Variants in CEP120 observed in about 807,000 individuals in gnomAD.
CEP120 encodes the protein centrosomal protein 120.
CEP120 carries 113 observed loss-of-function variants against 126.5 expected under a neutral mutation model. The ratio of observed to expected loss-of-function variants is 0.89; its 90% CI spans 0.77 to 1.04. The LOEUF (loss-of-function observed/expected upper bound fraction) is 1.04, where lower values mean the gene tolerates loss of function less well. Ranked by LOEUF, CEP120 falls within the 50% of genes least tolerant of loss-of-function variation. The pLI is 0.00. For missense variants in CEP120, 1,230 were observed against 1,155.7 expected, an observed-to-expected ratio of 1.06 and a Z score of -0.93; for synonymous variants, 400 against 394.3, an observed-to-expected ratio of 1.01 and a Z score of -0.17.
At chr5:123,384,135 T>C (rs1014792994) in intron 11 of CEP120, among the ~76,000 whole-genome samples, 1 of 152,100 alleles carries the variant, frequency 6.6e-6, no homozygotes, top group Non-Finnish European at 1.5e-5. Flanking sequence ...TAGCTTCAAT[T>C]ATTAGTGATT....
chr5:123,395,509 T>A (rs1484153145), intron 5 of CEP120, among the ~76,000 whole-genome samples: 1 of 152,022 alleles, frequency 6.6e-6, no homozygotes, highest in Non-Finnish European at 1.5e-5. Flanking sequence ...CCATCCATAC[T>A]CTCCTGCCCC....
At chr5:123,394,935 G>A (rs62376433) in intron 5 of CEP120, among the ~76,000 whole-genome samples, 25,479 of 152,160 alleles carry the variant, frequency 0.17, 2,547 homozygotes, top group Middle Eastern at 0.22. Context: ...AGGGTTGTTG[G>A]AAGGATTAAA....
chr5:123,372,875 CAT>C, intron 16 of CEP120, 103 bp from the exon 17 acceptor site: 1 of 887,758 alleles, frequency 1.1e-6, no homozygotes, highest in Non-Finnish European at 1.7e-6. Flanking sequence ...ACAGCATGCT[CAT>C]AGTAGAAAAT....
At chr5:123,389,234 T>G (rs1396281332) in intron 8 of CEP120, among the ~76,000 whole-genome samples, 1 of 152,218 alleles carries the variant, frequency 6.6e-6, no homozygotes, top group Non-Finnish European at 1.5e-5. Context: ...TCTTAGACTC[T>G]CTCTTAACTT....
At chr5:123,380,164 A>T (rs1361312548) in intron 14 of CEP120, among the ~76,000 whole-genome samples, 1 of 152,168 alleles carries the variant, frequency 6.6e-6, no homozygotes, top group African/African-American at 2.4e-5. Context: ...CTATAGTGAG[A>T]GTCTCAGGGT....
At chr5:123,401,279 C>G in intron 4 of CEP120, 1 of 1,608,306 alleles carries the variant, frequency 6.2e-7, no homozygotes, top group South Asian at 1.1e-5. Flanking sequence ...CGGCCTCCAG[C>G]TCGACAACTT....
chr5:123,371,331 A>G (rs1012152037), intron 17 of CEP120, among the ~76,000 whole-genome samples: 1 of 152,082 alleles, frequency 6.6e-6, no homozygotes, highest in Non-Finnish European at 1.5e-5. Flanking sequence ...AGGAGGAGCA[A>G]GTCACATTTT....
chr5:123,358,240 G>A (rs1304583807), intron 18 of CEP120: 1 of 152,092 alleles, frequency 6.6e-6, no homozygotes, highest in Non-Finnish European at 1.5e-5. Flanking sequence ...TCAAATTCAG[G>A]ATAGTGGTTA....
chr5:123,359,393 G>T (rs953014980), intron 18 of CEP120, among the ~76,000 whole-genome samples: 3 of 151,926 alleles, frequency 2.0e-5, no homozygotes, highest in African/African-American at 7.3e-5. Context: ...GTTTTATTCT[G>T]CTTAATGATA....
At chr5:123,417,202 T>C (rs1774441482) in intron 2 of CEP120, among the ~76,000 whole-genome samples, 1 of 152,164 alleles carries the variant, frequency 6.6e-6, no homozygotes, top group South Asian at 2.1e-4. Flanking sequence ...TGAAAGGAAA[T>C]CCAACATTGA....
chr5:123,391,294 A>G lies in CEP120; in HGVS notation c.854T>C (p.Ile285Thr). ...CGDQSLGSTE[I>T]PLTGLLKKGS... ...CTTTTTAAGTAATCCAGTTAAAGGT[A>G]TTTCTGTACTTCCAAGTGACTGGTC... Residue 285 changes from isoleucine to threonine, a missense_variant, in exon 7 of 20, where the codon ATA becomes ACA. Transcript: ENST00000306467. 6.2e-7 allele frequency: 1 copy of G among 1,614,164 alleles called. No individual in the cohort carries two copies. Among genetic ancestry groups the G allele is most frequent in the Non-Finnish European group, 8.5e-7 (1 of 1,180,008 alleles).
chr5:123,381,945 C>T (rs1440429609), intron 14 of CEP120, among the ~76,000 whole-genome samples, 166 bp downstream of exon 14: 1 of 152,006 alleles, frequency 6.6e-6, no homozygotes, highest in African/African-American at 2.4e-5. Flanking sequence ...AAATACTTTA[C>T]AGTGAAACGC....
chr5:123,359,252 A>C (rs1443001748), intron 18 of CEP120, among the ~76,000 whole-genome samples: 2 of 152,082 alleles, frequency 1.3e-5, no homozygotes, highest in Non-Finnish European at 2.9e-5. Flanking sequence ...AATCCTTCCC[A>C]AAACATTAAT....
intron 3 of CEP120, among the ~76,000 whole-genome samples, chr5:123,413,492 T>C (rs898215228): frequency 2.6e-5 from 4 of 152,120 alleles, no homozygotes; most frequent in Admixed American, 6.5e-5. Flanking sequence ...TCAGAAATTC[T>C]AGTACTCAAG....
chr5:123,422,690 T>C (rs969524842), intron 1 of CEP120: 11 of 795,846 alleles, frequency 1.4e-5, no homozygotes, highest in Non-Finnish European at 2.0e-5. Flanking sequence ...CTGCTTTGGA[T>C]GAAAATCGTT....
intron 8 of CEP120, 94 bp from the exon 9 acceptor site, chr5:123,388,700 T>A: frequency 9.9e-7 from 1 of 1,008,226 alleles, no homozygotes; most frequent in Non-Finnish European, 1.4e-6. Flanking sequence ...CTCATTTACC[T>A]TTAAGCAGGA....
chr5:123,350,031 A>T lies in CEP120; in HGVS notation c.2639T>A (p.Met880Lys). ...LKKQQEELEQ[M>K]RLRYLAAEEK... Reference sequence around the variant, plus strand: ...CTCAGCGGCAAGGTAACGTAGTCTCATCTGTTCCAATTCTTCCTGCTGTTT... The same window carrying T: ...CTCAGCGGCAAGGTAACGTAGTCTCTTCTGTTCCAATTCTTCCTGCTGTTT... Residue 880 changes from methionine to lysine, a missense_variant, in exon 19 of 20, where the codon ATG becomes AAG. Transcript: ENST00000306467. 1 of 1,613,618 alleles carries T rather than the reference A, an allele frequency of 6.2e-7. No individual in the cohort carries two copies.
At chr5:123,381,422 G>A (rs1771641531) in intron 14 of CEP120, among the ~76,000 whole-genome samples, 1 of 151,960 alleles carries the variant, frequency 6.6e-6, no homozygotes, top group Non-Finnish European at 1.5e-5. Flanking sequence ...ATCTGAAGCT[G>A]AATACTGATT....
At chr5:123,348,757 T>C (rs1769001159) in intron 19 of CEP120, among the ~76,000 whole-genome samples, 1 of 152,120 alleles carries the variant, frequency 6.6e-6, no homozygotes, top group African/African-American at 2.4e-5. Context: ...TATTTGGAAA[T>C]GGACCTTTGG....
Sources: gnomAD v4.1 joint callset for allele counts (sites outside exome capture counted in the v4.1 genomes callset) on GRCh38, gnomAD v4.1.1 for gene constraint, MANE v1.5 for transcripts, NCBI Gene and HGNC (gene_info 2026-07-23, HGNC 2026-07-21) for gene names.